CIZ1: variants seen among roughly 807,000 people sequenced by gnomAD.
CIZ1 encodes cip1-interacting zinc finger protein.
CIZ1 carries 58 observed loss-of-function variants against 118.6 expected under a neutral mutation model. The observed-to-expected ratio is 0.49, with a 90% CI of 0.40 to 0.61. The LOEUF is 0.61. Among genes scored for constraint, CIZ1 ranks in the 20% least tolerant of loss-of-function variants. The probability of loss-of-function intolerance (pLI) is 0.00; values close to 1 mark genes in which losing one functional copy is unlikely to be tolerated. For missense variants in CIZ1, 921 were observed against 1,115.9 expected (o/e 0.83, Z 2.49); for synonymous variants, 448 against 443.4 (o/e 1.01, Z -0.13).
At chr9:128,171,104 A>G (rs1259538816) in intron 11 of CIZ1, among the ~76,000 whole-genome samples, 1 of 152,026 alleles carries the variant, frequency 6.6e-6, no homozygotes, top group Admixed American at 6.6e-5. Context: ...AGCTGGGGCA[A>G]CACAAGACGC....
At chr9:128,195,448 G>T (rs556575548), upstream of CIZ1, among the ~76,000 whole-genome samples, 14 of 152,228 alleles carry the variant, frequency 9.2e-5, no homozygotes, top group South Asian at 2.9e-3. Context: ...ATCCTGAGTA[G>T]CTGAGACTAC....
intron 7 of CIZ1, 34 bp from the exon 8 acceptor site, chr9:128,179,449 C>T (rs368182829): frequency 1.0e-4 from 154 of 1,535,350 alleles, no homozygotes; most frequent in Non-Finnish European, 1.3e-4. Context: ...CCAGTCATGT[C>T]TTCAAAGAGG....
At position 128,166,603 on chromosome 9, in the gene CIZ1, C is replaced by A; in HGVS notation, c.2487+156G>T. The A allele has an allele frequency of 9.1e-7, 1 of 1,095,056 alleles. No individual in the cohort carries two copies. The allele number at this position is 1,095,056 out of a possible 1,614,324, so 67.8% of individuals were successfully genotyped here. ...ATCCCCTTGAACAATAAGAGCCCAA[C>A]CCCACCCCAGCTCTAATTCTCTCCC... is the stretch of plus-strand genomic sequence containing the variant. On this transcript the variant is annotated intron_variant, in intron 16 of 16. Transcript: ENST00000372938. This position sits in a 1 kb window ranked among gnomAD's most constrained non-coding sequence, Gnocchi z 4.4.
Position 128,169,427 on chromosome 9 carries a change from C to A in CIZ1, c.2124G>T (p.Gly708=), listed in dbSNP as rs1360477789. The part of the protein sequence containing the change: ...RKFVEHVKSQ[G]HKDKAKELKS... Reference sequence around the variant, plus strand: ...TTACCTCCTTGGCTTTGTCCTTATGCCCCTGGGACTTCACGTGCTCCACAA... The same window carrying A: ...TTACCTCCTTGGCTTTGTCCTTATGACCCTGGGACTTCACGTGCTCCACAA... The change falls in exon 13 of 17, where the codon GGG becomes GGT. Residue 708 remains glycine (G), a synonymous_variant. Transcript: ENST00000372938. The A allele has an allele frequency of 6.2e-7, 1 of 1,614,112 alleles. No individual in the cohort carries two copies. Among genetic ancestry groups the A allele is most frequent in the East Asian group, 2.2e-5 (1 of 44,876 alleles).
chr9:128,177,630 G>GTGC lies in CIZ1; in HGVS notation c.1751_1753dup (p.Ser584dup). 1 of 1,576,568 alleles carries GTGC rather than the reference G, an allele frequency of 6.3e-7. No individual in the cohort carries two copies. On this transcript the variant is annotated inframe_insertion, in exon 10 of 17. Coordinates refer to ENST00000372938, the MANE Select transcript of CIZ1 (RefSeq NM_001131016.2). Reference sequence around the variant, plus strand: ...GAACTGGAGGGCCTGCTTAGAGGGAGTGCTGGTAGCCGCAGGGGTGGAGGA... The same window carrying GTGC: ...GAACTGGAGGGCCTGCTTAGAGGGAGTGCTGCTGGTAGCCGCAGGGGTGGAGGA...
At chr9:128,181,272 C>G (rs1055234316) in intron 5 of CIZ1, among the ~76,000 whole-genome samples, 1 of 152,166 alleles carries the variant, frequency 6.6e-6, no homozygotes, top group African/African-American at 2.4e-5. Context: ...CACGCCACCA[C>G]GCCTGGCTAA....
intron 1 of CIZ1, among the ~76,000 whole-genome samples, chr9:128,200,987 G>T: frequency 6.6e-6 from 1 of 151,586 alleles, no homozygotes; most frequent in Non-Finnish European, 1.5e-5. Context: ...TACAAAAATT[G>T]GCCGGGCGCA....
Position 128,179,359 on chromosome 9 carries a change from G to C in CIZ1, c.848C>G (p.Pro283Arg). 2 of 1,613,850 alleles carry C rather than the reference G, an allele frequency of 1.2e-6. No homozygotes were observed. The highest frequency in any genetic ancestry group is 1.7e-6 in the Non-Finnish European group (2 of 1,179,896). ...TTTCGGTACTGTCATCCGGGCCTGC[G>C]GCTGGGCCTTCACCTGTAACTGCCC... ...PPGQLQVKAQPQARMTVPKQT... is the reference protein window; with the variant it reads ...PPGQLQVKAQRQARMTVPKQT... The change falls in exon 8 of 17, where the codon CCG (proline) becomes CGG (arginine). Residue 283 changes from proline to arginine, a missense_variant. Coordinates refer to ENST00000372938, the MANE Select transcript of CIZ1 (RefSeq NM_001131016.2).
chr9:128,173,526 C>T (rs1420388733), intron 11 of CIZ1, among the ~76,000 whole-genome samples: 2 of 152,102 alleles, frequency 1.3e-5, no homozygotes, highest in African/African-American at 4.8e-5. Flanking sequence ...AATCCCCCCA[C>T]CTCAGCCTCC....
At chr9:128,191,780 G>C (rs1833188053), upstream of CIZ1, 1 of 1,424,772 alleles carries the variant, frequency 7.0e-7, no homozygotes, top group South Asian at 1.4e-5. The surrounding 1 kb of genome is among the most constrained non-coding windows in gnomAD (Gnocchi z 5.5). Flanking sequence ...CGGAGACCAA[G>C]GTCCGTCTGC....
At chr9:128,184,218 G>A (rs1477148552) in intron 5 of CIZ1, among the ~76,000 whole-genome samples, 1 of 152,136 alleles carries the variant, frequency 6.6e-6, no homozygotes, top group African/African-American at 2.4e-5. Flanking sequence ...CACAGCCTCA[G>A]GAGAGCACCT....
chr9:128,174,959 T>G (rs1830679941), intron 11 of CIZ1, among the ~76,000 whole-genome samples: 1 of 152,162 alleles, frequency 6.6e-6, no homozygotes, highest in Non-Finnish European at 1.5e-5. Flanking sequence ...CGCCTGACCA[T>G]AATGTTCTTG....
At position 128,190,457 on chromosome 9, in the gene CIZ1, AG is replaced by A. The variant is rs1309318410; in HGVS notation, c.171-14del. On this transcript the variant is annotated splice_polypyrimidine_tract_variant and intron_variant, in intron 2 of 16. Transcript: ENST00000372938. ...CGGGGGGAGCCCCCTGTGTGTTGGGAGGGGGTGTCAGAGGGTTATTTGGAAA... is the reference window on the plus strand; with the variant it reads ...CGGGGGGAGCCCCCTGTGTGTTGGGAGGGGTGTCAGAGGGTTATTTGGAAA... 1.3e-6 allele frequency: 2 copies of A among 1,590,032 alleles called. No individual in the cohort carries two copies. The highest frequency in any genetic ancestry group is 8.6e-7 in the Non-Finnish European group (1 of 1,161,816).
At chr9:128,174,018 A>AAC (rs1554754796) in intron 11 of CIZ1, among the ~76,000 whole-genome samples, 12 of 23,320 alleles carry the variant, frequency 5.1e-4, no homozygotes, top group Admixed American at 3.7e-3. Context: ...AAACAAAACA[A>AAC]AAAAACAAAA....
At position 128,203,312 on chromosome 9, in the gene CIZ1, C is replaced by T; in HGVS notation, c.-6+874G>A. Reference sequence around the variant, plus strand: ...GGCCGGCCCGCAGCGCCGCGGGCTCCCCCTAGCGGCGTCCGGGAGCGGTGC... The same window carrying T: ...GGCCGGCCCGCAGCGCCGCGGGCTCTCCCTAGCGGCGTCCGGGAGCGGTGC... On this transcript the variant is annotated intron_variant, in intron 1 of 17. Coordinates refer to the CIZ1 transcript ENST00000372948. The surrounding 1 kb of genome is among the most constrained non-coding windows in gnomAD (Gnocchi z 5.3). 3.9e-6 allele frequency: 2 copies of T among 518,614 alleles called. No individual in the cohort carries two copies. The highest frequency in any genetic ancestry group is 6.7e-5 in the East Asian group (1 of 15,014). The allele number at this position is 518,614 out of a possible 1,614,324, so 32.1% of individuals were successfully genotyped here.
upstream of CIZ1, among the ~76,000 whole-genome samples, chr9:128,194,951 A>G (rs1467029301): frequency 6.6e-6 from 1 of 152,086 alleles, no homozygotes; most frequent in African/African-American, 2.4e-5. Context: ...CTGAGCAGCT[A>G]GGACTACAAG....
chr9:128,179,209 G>A lies in CIZ1; in HGVS notation c.998C>T (p.Thr333Ile). The change falls in exon 8 of 17, where the codon ACA becomes ATA. Residue 333 changes from threonine to isoleucine, a missense_variant. Physicochemically the swap from Thr to Ile is moderately conservative, Grantham distance 89. Coordinates refer to ENST00000372938, the MANE Select transcript of CIZ1 (RefSeq NM_001131016.2). ...CAGCTTTGGCTGCACCTGGGTGTCT[G>A]TGGATGGTATCCGCGGCTGAGTCTG... Reference protein sequence around the residue: ...QSQTQPRIPSTDTQVQPKLQK... With the variant: ...QSQTQPRIPSIDTQVQPKLQK... 6.2e-7 allele frequency: 1 copy of A among 1,614,106 alleles called. No homozygotes were observed. The highest frequency in any genetic ancestry group is 8.5e-7 in the Non-Finnish European group (1 of 1,179,996).
At chr9:128,195,910 A>C (rs1833367421), upstream of CIZ1, among the ~76,000 whole-genome samples, 1 of 151,602 alleles carries the variant, frequency 6.6e-6, no homozygotes, top group Admixed American at 6.6e-5. Flanking sequence ...CTGTCGCCCA[A>C]GCTGGAGTGC....
chr9:128,194,787 C>T (rs893836195), upstream of CIZ1, among the ~76,000 whole-genome samples: 3 of 152,152 alleles, frequency 2.0e-5, no homozygotes, highest in Non-Finnish European at 4.4e-5. Flanking sequence ...CGTTGCACTC[C>T]AGCCTGGGCA....
Sources: allele counts gnomAD v4.1 joint callset (sites outside exome capture counted in the v4.1 genomes callset), GRCh38; gene constraint gnomAD v4.1.1; non-coding constraint Gnocchi (gnomAD v3.1); transcripts MANE v1.5; gene names NCBI Gene and HGNC (gene_info 2026-07-23, HGNC 2026-07-21).